PHF20L1: variants seen among roughly 807,000 people sequenced by gnomAD.
The protein encoded by PHF20L1 is PHD finger protein 20 like 1.
In PHF20L1, 44 loss-of-function variants were observed where a neutral mutation model predicts 125.5. That is an observed-to-expected ratio of 0.35 (90% CI 0.28 to 0.45). The LOEUF (loss-of-function observed/expected upper bound fraction) is 0.45. PHF20L1 is among the 20% of genes least tolerant of loss of function. The pLI is 1.00. For missense variants in PHF20L1, 1,012 were observed against 1,217.2 expected (o/e 0.83, Z 2.51); for synonymous variants, 380 against 403.1 (o/e 0.94, Z 0.69).
At chr8:132,778,864 G>A (rs1830115619) in intron 2 of PHF20L1, among the ~76,000 whole-genome samples, 3 of 152,172 alleles carry the variant, frequency 2.0e-5, no homozygotes. Context: ...TTTGATGCGA[G>A]TTCTTGTTTA....
chr8:132,824,020 A>G lies in PHF20L1; in HGVS notation c.1596A>G (p.Glu532=), dbSNP rs372799935. ...APAAAGISKT[E]KKVKLEDKSS... The stretch of plus-strand genomic sequence containing the variant: ...AACCCACAGGAATATCGAAAACAGA[A>G]AAAAAAGTGAAATTGGAAGACAAAA... Residue 532 remains glutamate (E), a synonymous_variant, in exon 13 of 21, where the codon GAA becomes GAG. Coordinates refer to ENST00000395386, the MANE Select transcript of PHF20L1 (RefSeq NM_016018.5). 90 of 1,600,352 alleles carry G rather than the reference A, an allele frequency of 5.6e-5. No homozygotes were observed. The highest frequency in any genetic ancestry group is 7.6e-5 in the Non-Finnish European group (89 of 1,170,156).
chr8:132,808,641 A>G (rs1475224285), intron 8 of PHF20L1: 1 of 152,072 alleles, frequency 6.6e-6, no homozygotes, highest in Non-Finnish European at 1.5e-5. Context: ...TTAGCTGGAG[A>G]ATAAAAACCT....
chr8:132,837,966 G>T, intron 17 of PHF20L1, 155 bp downstream of exon 17: 1 of 601,110 alleles, frequency 1.7e-6, no homozygotes, highest in Non-Finnish European at 3.1e-6. Context: ...GAAACAGCAT[G>T]CTATATGCCA....
chr8:132,822,186 A>G (rs928423394), intron 12 of PHF20L1, among the ~76,000 whole-genome samples: 1 of 151,928 alleles, frequency 6.6e-6, no homozygotes, highest in African/African-American at 2.4e-5. Context: ...ACAAGTAAAA[A>G]CAGTATCTCG....
intron 9 of PHF20L1, chr8:132,811,884 T>C (rs751290077): frequency 7.2e-6 from 7 of 976,852 alleles, no homozygotes; most frequent in Non-Finnish European, 8.5e-6. Context: ...ATATCCTTTT[T>C]GTATTACTTT....
At chr8:132,844,450 C>A in intron 20 of PHF20L1, 132 bp downstream of exon 20, 1 of 649,060 alleles carries the variant, frequency 1.5e-6, no homozygotes. Flanking sequence ...TTTATTACTC[C>A]CTTTGTATTG....
chr8:132,807,376 C>A, intron 8 of PHF20L1: 1 of 161,672 alleles, frequency 6.2e-6, no homozygotes, highest in Admixed American at 6.3e-5. Flanking sequence ...TTTGATTAGA[C>A]TTTAAACTAC....
chr8:132,780,918 C>T (rs1830352408), intron 2 of PHF20L1, among the ~76,000 whole-genome samples: 2 of 148,616 alleles, frequency 1.3e-5, no homozygotes, highest in East Asian at 4.0e-4. Flanking sequence ...GATCTTGGCT[C>T]ACTAAAACCT....
chr8:132,801,011 A>G (rs1052082239), intron 6 of PHF20L1, among the ~76,000 whole-genome samples: 1 of 151,654 alleles, frequency 6.6e-6, no homozygotes. Flanking sequence ...ATAAATAGCT[A>G]TGAAACTGAC....
intron 9 of PHF20L1, among the ~76,000 whole-genome samples, chr8:132,813,690 A>G (rs1013593533): frequency 6.6e-6 from 1 of 152,020 alleles, no homozygotes; most frequent in Non-Finnish European, 1.5e-5. Context: ...TTGCTCTCAG[A>G]TAAGTATATC....
chr8:132,791,713 A>G (rs1281104791), intron 2 of PHF20L1, among the ~76,000 whole-genome samples: 2 of 152,212 alleles, frequency 1.3e-5, no homozygotes, highest in Non-Finnish European at 1.5e-5. Flanking sequence ...ATTAGTGAAC[A>G]TGATAAAAAT....
chr8:132,846,029 C>T lies in PHF20L1; in HGVS notation c.*106C>T. On this transcript the variant is annotated 3_prime_UTR_variant, in exon 21 of 21. Transcript: ENST00000395386. ...ATTTAAAAGCTTAGTAATGTCTGGT[C>T]ATTCACTGATTTGTGATGTCAATAG... is the stretch of plus-strand genomic sequence containing the variant. 1 of 811,340 alleles carries T rather than the reference C, an allele frequency of 1.2e-6. No individual in the cohort carries two copies. The allele number at this position is 811,340 out of a possible 1,614,324, so 50.3% of individuals were successfully genotyped here.
intron 9 of PHF20L1, chr8:132,812,413 C>A: frequency 3.0e-6 from 3 of 984,854 alleles, no homozygotes; most frequent in Non-Finnish European, 3.6e-6. Context: ...GAGGGCAGTA[C>A]CCGTCTTAGA....
At chr8:132,826,159 A>T (rs1441872408) in intron 14 of PHF20L1, 1 of 152,096 alleles carries the variant, frequency 6.6e-6, no homozygotes. Context: ...ATTAAATCTA[A>T]CAATGTGTTA....
At chr8:132,793,314 G>T (rs1051765148) in intron 2 of PHF20L1, among the ~76,000 whole-genome samples, 2 of 152,170 alleles carry the variant, frequency 1.3e-5, no homozygotes, top group Admixed American at 6.5e-5. Flanking sequence ...AATGTCAAAA[G>T]ATCGAAGAAG....
rs11781620 is a variant in PHF20L1 at position 132,824,238 on chromosome 8, T to A, written c.1636+178T>A. The stretch of plus-strand genomic sequence containing the variant: ...CATGATTTATTAAACACATATCTTG[T>A]TTTATATGTAACTTTTTTGTCAAGA... On this transcript the variant is annotated intron_variant, in intron 13 of 20. Coordinates refer to ENST00000395386, the MANE Select transcript of PHF20L1 (RefSeq NM_016018.5). 5.7e-4 allele frequency: 239 copies of A among 419,264 alleles called. 1 individual carries two copies. Among genetic ancestry groups the A allele is most frequent in the Non-Finnish European group, 9.4e-4 (218 of 231,468 alleles). 26.0% of individuals were successfully genotyped at this position (419,264 alleles called of 1,614,324 possible).
intron 10 of PHF20L1, 26 bp from the exon 11 acceptor site, chr8:132,816,862 C>T (rs1198869482): frequency 1.2e-5 from 19 of 1,521,160 alleles, no homozygotes; most frequent in African/African-American, 1.4e-5. Flanking sequence ...GTATCTGCTT[C>T]GTGAACATTG....
At position 132,839,554 on chromosome 8, in the gene PHF20L1, G is replaced by T. The variant is rs751872446; in HGVS notation, c.2359G>T (p.Gly787Trp). 1.2e-6 allele frequency: 2 copies of T among 1,613,044 alleles called. No individual in the cohort carries two copies. Among genetic ancestry groups the T allele is most frequent in the Non-Finnish European group, 1.7e-6 (2 of 1,179,312 alleles). ...DVYGVTEVLHGLQLKIGILKN... is the reference protein window; with the variant it reads ...DVYGVTEVLHWLQLKIGILKN... ...CTATGGTGTTACAGAAGTGCTACAC[G>T]GGCTACAGCTGAAGATTGGAATACT... Residue 787 changes from glycine (G) to tryptophan (W), a missense_variant, in exon 18 of 21, where the codon GGG becomes TGG. By Grantham distance (184) the Gly-to-Trp change is radical. Around this residue, in one of 7 missense-constraint regions of PHF20L1, gnomAD observed 277 missense variants for 283.6 expected, o/e 0.98. Transcript: ENST00000395386.
Position 132,847,656 on chromosome 8 carries a change from CAG to C in PHF20L1, c.*1735_*1736del, listed in dbSNP as rs1483527118. 3.9e-5 allele frequency: 6 copies of C among 152,578 alleles called. No individual in the cohort carries two copies. The highest frequency in any genetic ancestry group is 7.4e-5 in the Non-Finnish European group (5 of 67,970). The allele number at this position is 152,578 out of a possible 1,614,324, so 9.5% of individuals were successfully genotyped here. On this transcript the variant is annotated 3_prime_UTR_variant, in exon 21 of 21. Coordinates refer to ENST00000395386, the MANE Select transcript of PHF20L1 (RefSeq NM_016018.5). ...AGATTAAAAGAATGTGCAAAACAGT[CAG>C]AAATTTTTATTGCCTTTTGAGATTC...
Sources: allele counts gnomAD v4.1 joint callset (sites outside exome capture counted in the v4.1 genomes callset), GRCh38; gene constraint gnomAD v4.1.1; regional missense constraint gnomAD v4.1.1; transcripts MANE v1.5; gene names NCBI Gene and HGNC (gene_info 2026-07-23, HGNC 2026-07-21).